CDR2: variants seen among roughly 807,000 people sequenced by gnomAD.
CDR2 encodes the protein cerebellar degeneration-related protein 2.
A neutral mutation model predicts 48.4 loss-of-function variants in CDR2; 34 were observed. The ratio of observed to expected loss-of-function variants is 0.70; its 90% CI spans 0.53 to 0.94. The LOEUF is 0.94. CDR2 is among the 40% of genes least tolerant of loss of function. The probability of loss-of-function intolerance (pLI) is 0.00; values close to 1 mark genes in which losing one functional copy is unlikely to be tolerated. For missense variants in CDR2, 498 were observed against 549.5 expected (o/e 0.91, Z 0.94); for synonymous variants, 240 against 219.7 (o/e 1.09, Z -0.82).
chr16:22,350,182 T>G (rs960075839), intron 2 of CDR2, among the ~76,000 whole-genome samples: 2 of 145,828 alleles, frequency 1.4e-5, no homozygotes, highest in African/African-American at 5.1e-5. Flanking sequence ...AGAATGAAAC[T>G]CCATCTCAAA....
In CDR2 at chr16:22,346,460, G is replaced by A. The variant is rs1409708583; in HGVS notation, c.*505C>T. The stretch of plus-strand genomic sequence containing the variant: ...TCAAGGACTTGGAGTATTGGTTAAT[G>A]ACATTTCTTTTGGATTAGACCCCTG... On this transcript the variant is annotated 3_prime_UTR_variant, in exon 5 of 5. Transcript: ENST00000268383. 4 of 156,356 alleles carry A rather than the reference G, an allele frequency of 2.6e-5. No homozygotes were observed. Among genetic ancestry groups the A allele is most frequent in the Non-Finnish European group, 5.7e-5 (4 of 70,282 alleles). The allele number at this position is 156,356 out of a possible 1,614,324, so 9.7% of individuals were successfully genotyped here.
chr16:22,365,774 G>C (rs1022862081), intron 1 of CDR2, among the ~76,000 whole-genome samples: 7 of 152,152 alleles, frequency 4.6e-5, no homozygotes, highest in Non-Finnish European at 1.0e-4. Context: ...AACAATATAA[G>C]AAAGGACACT....
chr16:22,360,372 GT>G (rs2049002925), intron 2 of CDR2, among the ~76,000 whole-genome samples: 1 of 151,858 alleles, frequency 6.6e-6, no homozygotes, highest in Non-Finnish European at 1.5e-5. Context: ...ATCTTTTTTC[GT>G]TTTCACATAA....
At chr16:22,356,590 T>A (rs954657805) in intron 2 of CDR2, among the ~76,000 whole-genome samples, 48 of 152,002 alleles carry the variant, frequency 3.2e-4, no homozygotes, top group South Asian at 2.1e-4. Context: ...CCATCTCTAC[T>A]AAAAATACAA....
At chr16:22,355,158 T>C (rs1217041564) in intron 2 of CDR2, among the ~76,000 whole-genome samples, 1 of 152,244 alleles carries the variant, frequency 6.6e-6, no homozygotes, top group Non-Finnish European at 1.5e-5. Flanking sequence ...AAAAACTCAA[T>C]AATTCCTTAA....
chr16:22,349,860 A>C lies in CDR2; in HGVS notation c.193-11T>G. On this transcript the variant is annotated splice_polypyrimidine_tract_variant and intron_variant, in intron 2 of 4. Transcript: ENST00000268383. ...TTGCTTCGTCAGATACTGTAAGAGA[A>C]GATCAGGACCAGGTGACACAAACAG... 1 of 1,613,800 alleles carries C rather than the reference A, an allele frequency of 6.2e-7. No individual in the cohort carries two copies. Among genetic ancestry groups the C allele is most frequent in the South Asian group, 1.1e-5 (1 of 91,056 alleles).
In CDR2 at chr16:22,349,357, C is replaced by T; in HGVS notation, c.428G>A (p.Arg143Lys). ...VEELKSSGQG[R>K]RSPGKCDQEK... is the part of the protein sequence containing the mutation. ...CTGGTCACACTTTCCCGGGCTCCTT[C>T]TCCCTTGGCCAGATGACTTCAGCTC... The change falls in exon 4 of 5, where the codon AGA (arginine) becomes AAA (lysine). Residue 143 changes from arginine (R) to lysine (K), a missense_variant. Transcript: ENST00000268383. 1 of 1,614,200 alleles carries T rather than the reference C, an allele frequency of 6.2e-7. No individual in the cohort carries two copies. The highest frequency in any genetic ancestry group is 8.5e-7 in the Non-Finnish European group (1 of 1,180,032).
rs533660947 is a variant in CDR2, at chr16:22,356,446, C to G, written c.193-6597G>C. Among the ~76,000 whole-genome samples the G allele has an allele frequency of 2.6e-4, 40 of 152,166 alleles. No homozygotes were observed. In the South Asian group the frequency reaches 8.1e-3, roughly 31 times the overall value. ...CAGCCTGGCCAACATGGCAAAACCC[C>G]GTCTCTACTAAAAATACAAAAATTT... On this transcript the variant is annotated intron_variant, in intron 2 of 4. Transcript: ENST00000268383.
rs979269387 is a variant in CDR2, at chr16:22,346,757, G to C, written c.*208C>G. 4.9e-6 allele frequency: 3 copies of C among 608,152 alleles called. No homozygotes were observed. Among genetic ancestry groups the C allele is most frequent in the Non-Finnish European group, 8.7e-6 (3 of 345,930 alleles). 37.7% of individuals were successfully genotyped at this position (608,152 alleles called of 1,614,324 possible). ...CCAGCCAGAGGCCAGTTTGTCATGG[G>C]ATTTCCTGGGGAGCTTAAATGGAAG... On this transcript the variant is annotated 3_prime_UTR_variant, in exon 5 of 5. Coordinates refer to ENST00000268383, the MANE Select transcript of CDR2 (RefSeq NM_001802.2).
At chr16:22,352,416 T>C (rs2048948563) in intron 2 of CDR2, among the ~76,000 whole-genome samples, 1 of 152,108 alleles carries the variant, frequency 6.6e-6, no homozygotes, top group Non-Finnish European at 1.5e-5. Flanking sequence ...AGCAAAGAGT[T>C]GAACAAACAC....
intron 4 of CDR2, among the ~76,000 whole-genome samples, chr16:22,348,770 T>C (rs776749673): frequency 1.3e-5 from 2 of 152,238 alleles, no homozygotes; most frequent in African/African-American, 4.8e-5. Context: ...TTTGTGTTTT[T>C]ATTTGCTTAT....
At position 22,347,460 on chromosome 16, in the gene CDR2, C is replaced by A. The variant is rs752074009; in HGVS notation, c.870G>T (p.Leu290=). ...GCACAGTCAGGAACATCTCTTCCAGCAGGCTCTGGCTGGGCTCTTTGAAAG... is the reference window on the plus strand; with the variant it reads ...GCACAGTCAGGAACATCTCTTCCAGAAGGCTCTGGCTGGGCTCTTTGAAAG... ...YVPFKEPSQS[L]LEEMFLTVPE... The change falls in exon 5 of 5, where the codon CTG becomes CTT. Residue 290 remains leucine, a synonymous_variant. Transcript: ENST00000268383. 11 of 1,614,036 alleles carry A rather than the reference C, an allele frequency of 6.8e-6. No homozygotes were observed. The highest frequency in any genetic ancestry group is 9.3e-6 in the Non-Finnish European group (11 of 1,179,980).
chr16:22,370,760 A>G (rs1205241496), intron 1 of CDR2, among the ~76,000 whole-genome samples: 1 of 152,200 alleles, frequency 6.6e-6, no homozygotes, highest in African/African-American at 2.4e-5. Context: ...TGAATAGTAG[A>G]CCAGAGTTTA....
intron 2 of CDR2, among the ~76,000 whole-genome samples, chr16:22,355,500 T>C (rs764618516): frequency 6.6e-6 from 1 of 152,180 alleles, no homozygotes; most frequent in Non-Finnish European, 1.5e-5. Flanking sequence ...TAAATGAAAT[T>C]TGACATTTCT....
At chr16:22,358,291 T>G (rs1421367434) in intron 2 of CDR2, among the ~76,000 whole-genome samples, 1 of 152,096 alleles carries the variant, frequency 6.6e-6, no homozygotes, top group Admixed American at 6.6e-5. Context: ...GGGAGACATT[T>G]AAAGCAAAAC....
At chr16:22,357,439 C>A (rs2048982527) in intron 2 of CDR2, among the ~76,000 whole-genome samples, 1 of 152,200 alleles carries the variant, frequency 6.6e-6, no homozygotes, top group Admixed American at 6.5e-5. Flanking sequence ...GGCGAACTGG[C>A]AGTTTCTAGA....
chr16:22,374,507 C>T lies in CDR2; in HGVS notation c.-198G>A. On this transcript the variant is annotated 5_prime_UTR_variant, in exon 1 of 5. Transcript: ENST00000268383. The stretch of plus-strand genomic sequence containing the variant: ...CGGCCGGCTGCCTCGACTCGCCTCG[C>T]GCCTACCGACGGCCCCAACGGCCGG... 1 of 229,926 alleles carries T rather than the reference C, an allele frequency of 4.3e-6. No homozygotes were observed. Among genetic ancestry groups the T allele is most frequent in the Non-Finnish European group, 8.4e-6 (1 of 119,736 alleles). 14.2% of individuals were successfully genotyped at this position (229,926 alleles called of 1,614,324 possible).
intron 2 of CDR2, among the ~76,000 whole-genome samples, chr16:22,352,649 G>A (rs534161557): frequency 1.4e-3 from 215 of 152,004 alleles, no homozygotes; most frequent in African/African-American, 4.7e-3. Context: ...TTCAGGTAAA[G>A]ATCTACTACC....
chr16:22,374,218 C>T lies in CDR2; in HGVS notation c.79+13G>A. 2 of 1,573,846 alleles carry T rather than the reference C, an allele frequency of 1.3e-6. No individual in the cohort carries two copies. The highest frequency in any genetic ancestry group is 2.4e-5 in the East Asian group (1 of 41,790). ...CAGGCCGCCGCCCGCCCGCGGGGCGCCCCCGCCCTCACCTTGCTGGAGGTC... is the reference window on the plus strand; with the variant it reads ...CAGGCCGCCGCCCGCCCGCGGGGCGTCCCCGCCCTCACCTTGCTGGAGGTC... On this transcript the variant is annotated intron_variant, in intron 1 of 4. Transcript: ENST00000268383.
Sources: gnomAD v4.1 joint callset for allele counts (sites outside exome capture counted in the v4.1 genomes callset) on GRCh38, gnomAD v4.1.1 for gene constraint, MANE v1.5 for transcripts, NCBI Gene and HGNC (gene_info 2026-07-23, HGNC 2026-07-21) for gene names.